RPL3: variants seen among roughly 807,000 people sequenced by gnomAD.
RPL3 encodes large ribosomal subunit protein uL3.
RPL3 carries 3 observed loss-of-function variants against 46.0 expected under a neutral mutation model. The ratio of observed to expected loss-of-function variants is 0.07; its 90% CI spans 0.03 to 0.17. The LOEUF (loss-of-function observed/expected upper bound fraction) is 0.17, where lower values mean the gene tolerates loss of function less well. Ranked by LOEUF, RPL3 falls within the 10% of genes least tolerant of loss-of-function variation. The pLI is 1.00. For missense variants in RPL3, 387 were observed against 532.7 expected (o/e 0.73, Z 2.69); for synonymous variants, 224 against 190.8 (o/e 1.17, Z -1.43).
Position 39,318,486 on chromosome 22 carries a change from G to C in RPL3, c.110C>G (p.Pro37Arg). 1 of 1,613,912 alleles carries C rather than the reference G, an allele frequency of 6.2e-7. No homozygotes were observed. Among genetic ancestry groups the C allele is most frequent in the East Asian group, 2.2e-5 (1 of 44,874 alleles). ...GGCTGTGAGGTGGACCGGCTTGGAC[G>C]GGTCATCCTTAGGGAAGCTCTTCAC... Reference protein sequence around the residue: ...GKVKSFPKDDPSKPVHLTAFL... With the variant: ...GKVKSFPKDDRSKPVHLTAFL... Residue 37 changes from proline to arginine, a missense_variant, in exon 2 of 10, where the codon CCG (proline) becomes CGG (arginine). Physicochemically the swap from Pro to Arg is moderately radical, Grantham distance 103 (BLOSUM62 -2). Around this residue, in one of 5 missense-constraint regions of RPL3, gnomAD observed 196 missense variants for 217.5 expected, o/e 0.90. Transcript: ENST00000216146.
chr22:39,316,682 G>A, intron 4 of RPL3, 24 bp downstream of exon 4: 1 of 1,611,954 alleles, frequency 6.2e-7, no homozygotes, highest in Non-Finnish European at 8.5e-7. Context: ...GGCAGGCCAA[G>A]CCACCCCGGG....
rs1922728639 is a variant in RPL3 at position 39,316,860 on chromosome 22, G to A, written c.366-19C>T. 6.2e-7 allele frequency: 1 copy of A among 1,613,550 alleles called. No individual in the cohort carries two copies. The highest frequency in any genetic ancestry group is 8.5e-7 in the Non-Finnish European group (1 of 1,180,030). ...TTTATGCCTTCAGGAGCAGAGCAGA[G>A]TTGGGGAGGGGACCAGGTGCAGGCC... On this transcript the variant is annotated intron_variant, in intron 3 of 9. Transcript: ENST00000216146.
intron 3 of RPL3, 164 bp from the exon 4 acceptor site, chr22:39,317,005 G>A: frequency 9.4e-7 from 1 of 1,059,582 alleles, no homozygotes; most frequent in Non-Finnish European, 1.4e-6. Flanking sequence ...GAGCTCATCG[G>A]GCAGAGCCGA....
chr22:39,317,402 C>T lies in RPL3; in HGVS notation c.365+59G>A, dbSNP rs1922768520. The T allele has an allele frequency of 1.9e-6, 3 of 1,564,376 alleles. No individual in the cohort carries two copies. The African/African-American group carries it at 4.1e-5, about 21-fold the overall frequency. On this transcript the variant is annotated intron_variant, in intron 3 of 9. Transcript: ENST00000216146. ...GAGCTGAGAAACCATGCACACGCTG[C>T]TCCCTGCTCTCCAGCTCCCAAGCTC...
Position 39,314,689 on chromosome 22 carries a change from C to G in RPL3, c.846G>C (p.Lys282Asn), listed in dbSNP as rs769199053. 6.2e-7 allele frequency: 1 copy of G among 1,612,190 alleles called. No homozygotes were observed. The highest frequency in any genetic ancestry group is 8.5e-7 in the Non-Finnish European group (1 of 1,179,248). ...GGAGCCACTCTCAGAACCTCACCTT[C>G]TTGTTGATCTCAGTGCGGTGATGGT... ...KGYHHRTEIN[K>N]KIYKIGQGYL... Residue 282 changes from lysine (K) to asparagine (N), a missense_variant, in exon 6 of 10, where the codon AAG (lysine) becomes AAC (asparagine). Coordinates refer to ENST00000216146, the MANE Select transcript of RPL3 (RefSeq NM_000967.4).
chr22:39,315,301 G>A (rs916123993), intron 5 of RPL3, 68 bp downstream of exon 5: 17 of 1,601,734 alleles, frequency 1.1e-5, no homozygotes, highest in Middle Eastern at 1.6e-4. Context: ...CCTCATCAAC[G>A]AACAGCTGGG....
At chr22:39,316,638 A>G (rs1462332598) in intron 4 of RPL3, 68 bp downstream of exon 4, 1 of 1,599,876 alleles carries the variant, frequency 6.3e-7, no homozygotes, top group African/African-American at 1.3e-5. Context: ...CGGGCACGGG[A>G]CCCCCATGAT....
At chr22:39,318,719 A>G in intron 1 of RPL3, 127 bp from the exon 2 acceptor site, 1 of 772,432 alleles carries the variant, frequency 1.3e-6, no homozygotes, top group Non-Finnish European at 2.0e-6. Context: ...AGCAAGCCGA[A>G]TAAAAAGGTC....
At position 39,317,083 on chromosome 22, in the gene RPL3, G is replaced by C. The variant is rs190874030; in HGVS notation, c.366-242C>G. The C allele has an allele frequency of 5.1e-4, 330 of 642,368 alleles. 1 individual carries two copies. The African/African-American group carries it at 5.6e-3, about 11-fold the overall frequency. The allele number at this position is 642,368 out of a possible 1,614,324, so 39.8% of individuals were successfully genotyped here. A position where few individuals can be genotyped will look rare whatever the true frequency, so the allele number is the denominator to read the frequency against. ...GCATTCAAACAAAATTCTTGCTCCG[G>C]GACAAACCTTTCTGCCCTGGGGAAG... is the stretch of plus-strand genomic sequence containing the variant. On this transcript the variant is annotated intron_variant, in intron 3 of 9. Transcript: ENST00000216146.
At chr22:39,317,092 T>A in intron 3 of RPL3, 2 of 634,512 alleles carry the variant, frequency 3.2e-6, no homozygotes, top group South Asian at 3.9e-5. Flanking sequence ...GGGACAAACC[T>A]TTCTGCCCTG....
intron 4 of RPL3, 67 bp downstream of exon 4, chr22:39,316,639 C>G: frequency 6.3e-7 from 1 of 1,599,906 alleles, no homozygotes; most frequent in Non-Finnish European, 8.5e-7. Context: ...GGGCACGGGA[C>G]CCCCATGATC....
intron 4 of RPL3, among the ~76,000 whole-genome samples, chr22:39,315,811 C>T (rs1922652099): frequency 1.3e-5 from 2 of 152,242 alleles, no homozygotes; most frequent in South Asian, 4.1e-4. Context: ...AACCAGATCC[C>T]AGCCCCTACC....
chr22:39,313,581 T>C (rs958322491), intron 8 of RPL3, 53 bp downstream of exon 8: 21 of 1,558,098 alleles, frequency 1.3e-5, no homozygotes, highest in East Asian at 4.5e-5. Flanking sequence ...GTCTGTGGCC[T>C]TGGATCCTCC....
chr22:39,317,314 C>T lies in RPL3; in HGVS notation c.365+147G>A, dbSNP rs943838727. The T allele has an allele frequency of 3.8e-5, 34 of 899,332 alleles. 1 individual carries two copies. In the South Asian group the frequency reaches 4.1e-4, roughly 11 times the overall value. The allele number at this position is 899,332 out of a possible 1,614,324, so 55.7% of individuals were successfully genotyped here. On this transcript the variant is annotated intron_variant, in intron 3 of 9. Transcript: ENST00000216146. Reference sequence around the variant, plus strand: ...AACCAGATGGCTGGCCAAGTCTGATCCCAGGTATTTTTCTGTTCGAGAGGC... The same window carrying T: ...AACCAGATGGCTGGCCAAGTCTGATTCCAGGTATTTTTCTGTTCGAGAGGC...
intron 1 of RPL3, 156 bp from the exon 2 acceptor site, chr22:39,318,748 G>T: frequency 1.6e-6 from 1 of 640,676 alleles, no homozygotes. Context: ...TTCCAGGCTC[G>T]CACGTGTCAA....
At chr22:39,319,416 G>A (rs1922911336) in intron 1 of RPL3, 179 bp downstream of exon 1, 2 of 829,292 alleles carry the variant, frequency 2.4e-6, no homozygotes, top group South Asian at 3.3e-5. Context: ...AGTCCTCCAA[G>A]CGCTCTTCAC....
chr22:39,318,939 G>A (rs1922874157), intron 1 of RPL3: 1 of 508,328 alleles, frequency 2.0e-6, no homozygotes, highest in South Asian at 1.5e-5. Flanking sequence ...TAAAGAAAGG[G>A]ACTCCCGGGA....
At chr22:39,318,023 A>T in intron 2 of RPL3, 1 of 347,268 alleles carries the variant, frequency 2.9e-6, no homozygotes, top group Non-Finnish European at 5.3e-6. Flanking sequence ...TCTAAGTAGA[A>T]CACACACAGG....
intron 3 of RPL3, chr22:39,317,146 G>A (rs1359188393): frequency 8.6e-6 from 5 of 582,156 alleles, no homozygotes; most frequent in Non-Finnish European, 1.5e-5. Context: ...ATTCCACCCA[G>A]GGCCAGAGGC....
Sources: allele counts gnomAD v4.1 joint callset (sites outside exome capture counted in the v4.1 genomes callset), GRCh38; gene constraint gnomAD v4.1.1; regional missense constraint gnomAD v4.1.1; transcripts MANE v1.5; gene names NCBI Gene and HGNC (gene_info 2026-07-23, HGNC 2026-07-21).